Variants in XRCC4 observed in about 807,000 individuals in gnomAD.
XRCC4 encodes the protein X-ray repair cross complementing 4.
XRCC4 carries 28 observed loss-of-function variants against 39.1 expected under a neutral mutation model. The ratio of observed to expected loss-of-function variants is 0.72; its 90% CI spans 0.53 to 0.98. The LOEUF (loss-of-function observed/expected upper bound fraction) is 0.98, where lower values mean the gene tolerates loss of function less well. XRCC4 is among the 50% of genes least tolerant of loss of function. XRCC4 has a pLI of 0.00. For synonymous variants in XRCC4, 123 were observed against 126.4 expected, an observed-to-expected ratio of 0.97 and a Z score of 0.18; for missense variants, 350 against 376.4, an observed-to-expected ratio of 0.93 and a Z score of 0.58.
chr5:83,368,277 A>G, the XRCC4 span, among the ~76,000 whole-genome samples: 2 of 152,226 alleles, frequency 1.3e-5, no homozygotes, highest in Non-Finnish European at 2.9e-5. Context: ...CATCTCCAAA[A>G]TGCAGTCAAT....
chr5:83,336,735 G>T (rs911955423), intron 7 of XRCC4, among the ~76,000 whole-genome samples: 2 of 152,156 alleles, frequency 1.3e-5, no homozygotes, highest in Non-Finnish European at 2.9e-5. Flanking sequence ...CGTGTGCTTA[G>T]AAGTTGACCA....
chr5:83,210,249 C>T (rs1751589353), intron 6 of XRCC4, among the ~76,000 whole-genome samples: 1 of 152,098 alleles, frequency 6.6e-6, no homozygotes, highest in African/African-American at 2.4e-5. Flanking sequence ...TGCTCTTAGT[C>T]TTGCCCAGCT....
chr5:83,311,088 T>C (rs1755694999), intron 7 of XRCC4: 1 of 221,664 alleles, frequency 4.5e-6, no homozygotes, highest in Non-Finnish European at 9.4e-6. Context: ...TGGTAGTTTG[T>C]GGTAATTTAG....
At chr5:83,178,080 G>A (rs1202757514) in intron 3 of XRCC4, among the ~76,000 whole-genome samples, 1 of 152,064 alleles carries the variant, frequency 6.6e-6, no homozygotes, top group Non-Finnish European at 1.5e-5. Context: ...CTAAATGGAT[G>A]AGGGAGATAA....
At chr5:83,130,678 T>G (rs1747527371) in intron 3 of XRCC4, among the ~76,000 whole-genome samples, 1 of 152,192 alleles carries the variant, frequency 6.6e-6, no homozygotes, top group Non-Finnish European at 1.5e-5. Flanking sequence ...GGATTCAGCT[T>G]CTTCCTGGTT....
intron 3 of XRCC4, among the ~76,000 whole-genome samples, chr5:83,150,217 GTT>G (rs1354657824): frequency 6.6e-6 from 1 of 152,030 alleles, no homozygotes; most frequent in Non-Finnish European, 1.5e-5. Flanking sequence ...TATTGTCTGT[GTT>G]TTGCCATTAC....
intron 7 of XRCC4, among the ~76,000 whole-genome samples, chr5:83,340,883 G>A (rs1756737032): frequency 6.6e-6 from 1 of 152,138 alleles, no homozygotes; most frequent in Non-Finnish European, 1.5e-5. Flanking sequence ...AACCTCCATG[G>A]CTAGTATTAT....
At chr5:83,088,452 A>C (rs1412220503) in intron 1 of XRCC4, among the ~76,000 whole-genome samples, 2 of 152,142 alleles carry the variant, frequency 1.3e-5, no homozygotes, top group African/African-American at 4.8e-5. Flanking sequence ...GAATTTTTAC[A>C]ACTGACGTTC....
intron 6 of XRCC4, among the ~76,000 whole-genome samples, chr5:83,239,999 GA>G (rs1047945438): frequency 6.8e-6 from 1 of 147,642 alleles, no homozygotes; most frequent in Non-Finnish European, 1.5e-5. Context: ...CTCTACAGAG[GA>G]AAAAAAAACA....
intron 7 of XRCC4, among the ~76,000 whole-genome samples, chr5:83,269,381 A>G (rs1374338326): frequency 6.6e-6 from 1 of 151,640 alleles, no homozygotes; most frequent in African/African-American, 2.4e-5. Flanking sequence ...AAACACACCA[A>G]TAAATAATTA....
chr5:83,136,496 T>C (rs895808859), intron 3 of XRCC4, among the ~76,000 whole-genome samples: 3 of 152,190 alleles, frequency 2.0e-5, no homozygotes, highest in African/African-American at 7.2e-5. Flanking sequence ...GGAATTTGGG[T>C]TTTCTTTTGA....
chr5:83,274,359 T>G (rs1328739071), intron 7 of XRCC4, among the ~76,000 whole-genome samples: 1 of 152,244 alleles, frequency 6.6e-6, no homozygotes, highest in African/African-American at 2.4e-5. Flanking sequence ...GTTATGTAAC[T>G]TTTGTACCTT....
At chr5:83,211,178 G>C (rs1751630842) in intron 6 of XRCC4, among the ~76,000 whole-genome samples, 1 of 152,216 alleles carries the variant, frequency 6.6e-6, no homozygotes, top group Non-Finnish European at 1.5e-5. Flanking sequence ...GTTTGGGTAA[G>C]AACTGGGAGT....
chr5:83,342,199 A>G (rs1401518096), intron 7 of XRCC4, among the ~76,000 whole-genome samples: 1 of 152,216 alleles, frequency 6.6e-6, no homozygotes, highest in Non-Finnish European at 1.5e-5. Context: ...TTATCTGAAT[A>G]AAGTACAGCT....
At chr5:83,097,001 A>G (rs1033284658) in intron 1 of XRCC4, among the ~76,000 whole-genome samples, 1 of 152,198 alleles carries the variant, frequency 6.6e-6, no homozygotes, top group Admixed American at 6.5e-5. Flanking sequence ...AGCTTGACTT[A>G]AATTTTAGGT....
intron 7 of XRCC4, among the ~76,000 whole-genome samples, chr5:83,284,074 A>C (rs532131506): frequency 7.9e-4 from 120 of 150,996 alleles, no homozygotes; most frequent in African/African-American, 2.8e-3. Flanking sequence ...AAAAAAAAAA[A>C]AAAACGAATA....
chr5:83,123,885 T>C (rs536362403), intron 3 of XRCC4, among the ~76,000 whole-genome samples: 365 of 112,418 alleles, frequency 3.2e-3, no homozygotes, highest in African/African-American at 0.014. Context: ...TATTGTTACA[T>C]TGATTTTTTT....
chr5:83,344,415 C>CTTTTTTTTT (rs70973394), intron 7 of XRCC4, among the ~76,000 whole-genome samples: 9 of 115,240 alleles, frequency 7.8e-5, no homozygotes, highest in African/African-American at 1.5e-4. Flanking sequence ...TTATTTTTCA[C>CTTTTTTTTT]TTTTTTTTTT....
chr5:83,202,814 CT>C (rs1751264413), intron 4 of XRCC4, among the ~76,000 whole-genome samples: 1 of 152,120 alleles, frequency 6.6e-6, no homozygotes. Flanking sequence ...ATTTTGCTTT[CT>C]TTATATATCT....
Sources: allele counts gnomAD v4.1 joint callset (sites outside exome capture counted in the v4.1 genomes callset), GRCh38; gene constraint gnomAD v4.1.1; transcripts MANE v1.5; gene names NCBI Gene and HGNC (gene_info 2026-07-23, HGNC 2026-07-21).